The following STRBP variants were observed in gnomAD, a reference collection of about 807,000 sequenced individuals.
STRBP encodes spermatid perinuclear RNA-binding protein.
In STRBP, 13 loss-of-function variants were observed where a neutral mutation model predicts 80.1. The ratio of observed to expected loss-of-function variants is 0.16; its 90% confidence interval spans 0.11 to 0.26. The LOEUF is 0.26. STRBP is among the 10% of genes least tolerant of loss of function. The probability of loss-of-function intolerance (pLI) is 1.00; values close to 1 mark genes in which losing one functional copy is unlikely to be tolerated. For missense variants in STRBP, 485 were observed against 815.2 expected (o/e 0.59, Z 4.93); for synonymous variants, 284 against 291.2 (o/e 0.98, Z 0.25).
intron 13 of STRBP, 46 bp from the exon 14 acceptor site, chr9:123,139,733 C>T (rs2036511320): frequency 6.3e-7 from 1 of 1,578,126 alleles, no homozygotes; most frequent in Non-Finnish European, 8.6e-7. Flanking sequence ...ACACGAGAAA[C>T]CAGAGAATAG....
chr9:123,130,588 T>C lies in STRBP; in HGVS notation c.1897+2257A>G, dbSNP rs1049991941. On this transcript the variant is annotated intron_variant, in intron 17 of 18. Coordinates refer to ENST00000348403, the MANE Select transcript of STRBP (RefSeq NM_018387.5). ...AACACATCATCAAAGACAAGAAAGA[T>C]AGTTCATCTCTATAACCCGCCTATT... 5.9e-5 allele frequency among the ~76,000 whole-genome samples: 9 copies of C among 152,178 alleles called. No individual in the cohort carries two copies. In the South Asian group the frequency reaches 1.0e-3, roughly 18 times the overall value.
intron 2 of STRBP, among the ~76,000 whole-genome samples, chr9:123,195,494 G>A (rs1328148484): frequency 6.6e-6 from 1 of 152,118 alleles, no homozygotes; most frequent in Non-Finnish European, 1.5e-5. Flanking sequence ...AACAAATTCA[G>A]TAAAGTTGCA....
chr9:123,147,677 C>CA (rs551381831), intron 12 of STRBP, 101 bp downstream of exon 12: 42,120 of 366,772 alleles, frequency 0.11, 106 homozygotes, highest in Middle Eastern at 0.12. Context: ...GAACCGATCT[C>CA]AAAAAAAAAA....
At chr9:123,229,393 AAC>A (rs2132575184) in intron 2 of STRBP, among the ~76,000 whole-genome samples, 1 of 152,340 alleles carries the variant, frequency 6.6e-6, no homozygotes, top group South Asian at 2.1e-4. Context: ...GGAAATTAAA[AAC>A]AGTTGAATAG....
intron 2 of STRBP, among the ~76,000 whole-genome samples, chr9:123,234,855 G>A (rs1347782185): frequency 6.6e-6 from 1 of 152,010 alleles, no homozygotes; most frequent in South Asian, 2.1e-4. Flanking sequence ...AGCTACTTGG[G>A]AGGCCAAGGC....
chr9:123,241,195 A>C (rs2040687459), intron 1 of STRBP, among the ~76,000 whole-genome samples: 3 of 145,592 alleles, frequency 2.1e-5, no homozygotes, highest in South Asian at 4.3e-4. Flanking sequence ...AAAAAAAAAA[A>C]CAAAGTGATT....
At chr9:123,162,629 G>C (rs982464333) in intron 6 of STRBP, among the ~76,000 whole-genome samples, 1 of 152,142 alleles carries the variant, frequency 6.6e-6, no homozygotes, top group African/African-American at 2.4e-5. Flanking sequence ...CACTGTAAAG[G>C]CTGAAGTGCT....
At chr9:123,194,708 G>T (rs1483204946) in intron 2 of STRBP, among the ~76,000 whole-genome samples, 5 of 151,960 alleles carry the variant, frequency 3.3e-5, no homozygotes, top group African/African-American at 9.7e-5. Flanking sequence ...GATTTCCATG[G>T]TATTTAATGC....
intron 13 of STRBP, among the ~76,000 whole-genome samples, chr9:123,144,043 T>A (rs953000507): frequency 1.1e-4 from 16 of 151,602 alleles, no homozygotes; most frequent in Admixed American, 7.2e-4. Flanking sequence ...ACTAAAAATA[T>A]AAAAATTAGC....
Position 123,124,012 on chromosome 9 carries a change from AAAGAC to A in STRBP, c.*1580_*1584del. Reference sequence around the variant, plus strand: ...TATTAAAGTATCACCCACCACTAATAAAGACAAAAGACCAAGGAGAAGAAACAAAC... The same window carrying A: ...TATTAAAGTATCACCCACCACTAATAAAAAGACCAAGGAGAAGAAACAAAC... On this transcript the variant is annotated 3_prime_UTR_variant, in exon 19 of 19. Transcript: ENST00000348403. 1 of 985,422 alleles carries A rather than the reference AAAGAC, an allele frequency of 1.0e-6. No homozygotes were observed. The highest frequency in any genetic ancestry group is 1.2e-6 in the Non-Finnish European group (1 of 829,932). The allele number at this position is 985,422 out of a possible 1,614,324, so 61.0% of individuals were successfully genotyped here.
intron 1 of STRBP, among the ~76,000 whole-genome samples, chr9:123,238,924 A>T (rs566026282): frequency 1.4e-4 from 21 of 152,226 alleles, no homozygotes; most frequent in Non-Finnish European, 2.8e-4. Context: ...AAGTTCAATG[A>T]ATTGTAAAGG....
At position 123,136,133 on chromosome 9, in the gene STRBP, C is replaced by T; in HGVS notation, c.1681G>A (p.Val561Met). Residue 561 changes from valine (V) to methionine (M), a missense_variant, in exon 16 of 19, where the codon GTG becomes ATG. This residue lies in a region of STRBP where 23 missense variants were observed against 79.0 expected (regional missense o/e 0.29). Coordinates refer to ENST00000348403, the MANE Select transcript of STRBP (RefSeq NM_018387.5). The surrounding 1 kb of genome is among the most constrained non-coding windows in gnomAD (Gnocchi z 4.2). ...GCTAAAGCTGCACTCGCCTTTGCCACTTTCTTATTTGGACCTGCGCCTCTG... is the reference window on the plus strand; with the variant it reads ...GCTAAAGCTGCACTCGCCTTTGCCATTTTCTTATTTGGACCTGCGCCTCTG... ...KFRGAGPNKK[V>M]AKASAALAAL... 1 of 1,614,222 alleles carries T rather than the reference C, an allele frequency of 6.2e-7. No individual in the cohort carries two copies. Among genetic ancestry groups the T allele is most frequent in the Non-Finnish European group, 8.5e-7 (1 of 1,180,028 alleles).
At chr9:123,164,893 G>C (rs1029066097) in intron 6 of STRBP, among the ~76,000 whole-genome samples, 3 of 152,184 alleles carry the variant, frequency 2.0e-5, no homozygotes, top group African/African-American at 7.2e-5. Flanking sequence ...AGGTAGAACA[G>C]AGAAAGCACT....
chr9:123,111,637 G>T (rs147291680), intron 3 of STRBP: 4 of 476,340 alleles, frequency 8.4e-6, no homozygotes, highest in Non-Finnish European at 1.7e-5. Flanking sequence ...GCCACAGCAC[G>T]TGACTTGCTG....
intron 2 of STRBP, among the ~76,000 whole-genome samples, chr9:123,218,875 G>A (rs187457748): frequency 1.4e-4 from 22 of 152,078 alleles, no homozygotes; most frequent in African/African-American, 4.1e-4. Context: ...TTTACATAGC[G>A]CTTACTGTTC....
rs755125954 is a variant in STRBP at position 123,160,388 on chromosome 9, T to C, written c.702A>G (p.Thr234=). The C allele has an allele frequency of 2.5e-6, 4 of 1,601,730 alleles. No individual in the cohort carries two copies. The highest frequency in any genetic ancestry group is 2.2e-5 in the East Asian group (1 of 44,592). ...ILRDLCNRVP[T]WAPLKGWPLE... ...TTACCCATCCTTTCAATGGTGCCCA[T>C]GTGGGGACTCTGTTGCACAAATCAC... is the stretch of plus-strand genomic sequence containing the variant. Residue 234 remains threonine, a synonymous_variant, in exon 8 of 19, where the codon ACA becomes ACG. Coordinates refer to ENST00000348403, the MANE Select transcript of STRBP (RefSeq NM_018387.5).
chr9:123,227,923 C>T (rs2040290414), intron 2 of STRBP, among the ~76,000 whole-genome samples: 1 of 152,126 alleles, frequency 6.6e-6, no homozygotes, highest in Admixed American at 6.5e-5. Context: ...TGGAGGTAAA[C>T]ATACAGCAGA....
Position 123,169,439 on chromosome 9 carries a change from G to A in STRBP, c.535+463C>T, listed in dbSNP as rs1048802245. 9.2e-5 allele frequency among the ~76,000 whole-genome samples: 14 copies of A among 152,194 alleles called. No homozygotes were observed. In the South Asian group the frequency reaches 1.2e-3, roughly 14 times the overall value. On this transcript the variant is annotated intron_variant, in intron 6 of 18. Transcript: ENST00000348403. ...ACACACCTCGGCCTCCCAAAGTGCT[G>A]GGATTACAGGCATGAGCGACCATGC...
In STRBP at chr9:123,160,962, T is replaced by G. The variant is rs1366499826; in HGVS notation, c.627+15A>C. 7 of 1,576,208 alleles carry G rather than the reference T, an allele frequency of 4.4e-6. No homozygotes were observed. Among genetic ancestry groups the G allele is most frequent in the Non-Finnish European group, 6.0e-6 (7 of 1,169,456 alleles). ...ACAAACTTTAATAACAATAAGATAG[T>G]AAGAAAAAGCCAACCTGAAACCATT... On this transcript the variant is annotated intron_variant, in intron 7 of 18. Coordinates refer to ENST00000348403, the MANE Select transcript of STRBP (RefSeq NM_018387.5).
Sources: gnomAD v4.1 joint callset for allele counts (sites outside exome capture counted in the v4.1 genomes callset) on GRCh38, gnomAD v4.1.1 for gene constraint, gnomAD v4.1.1 regional missense constraint, Gnocchi (gnomAD v3.1) non-coding constraint, MANE v1.5 for transcripts, NCBI Gene and HGNC (gene_info 2026-07-23, HGNC 2026-07-21) for gene names.